The following KATNAL2 variants were observed in gnomAD, a reference collection of about 807,000 sequenced individuals.
KATNAL2 encodes the protein katanin catalytic subunit A1 like 2, also known as katanin p60 ATPase-containing subunit A-like 2.
KATNAL2 carries 52 observed loss-of-function variants against 76.3 expected under a neutral mutation model. That is an observed-to-expected ratio of 0.68 (90% confidence interval 0.55 to 0.86). The LOEUF is 0.86. Ranked by LOEUF, KATNAL2 falls within the 40% of genes least tolerant of loss-of-function variation. The pLI, the probability that KATNAL2 is intolerant of heterozygous loss-of-function variation, is 0.00. For synonymous variants in KATNAL2, 243 were observed against 244.2 expected (o/e 1.00, Z 0.05); for missense variants, 660 against 668.9 (o/e 0.99, Z 0.15).
At chr18:47,092,904 G>A (rs2063064335) in intron 15 of KATNAL2, among the ~76,000 whole-genome samples, 1 of 152,100 alleles carries the variant, frequency 6.6e-6, no homozygotes, top group Non-Finnish European at 1.5e-5. Flanking sequence ...CTCACATGTT[G>A]AAAATGTCTT....
rs377333599 is a variant in KATNAL2, at chr18:47,059,659, G to A, written c.549+5G>A. 32 of 1,577,076 alleles carry A rather than the reference G, an allele frequency of 2.0e-5. No individual in the cohort carries two copies. Among genetic ancestry groups the A allele is most frequent in the Non-Finnish European group, 2.5e-5 (29 of 1,146,442 alleles). On this transcript the variant is annotated splice_donor_5th_base_variant and intron_variant, in intron 8 of 17. Coordinates refer to ENST00000683218, the MANE Select transcript of KATNAL2 (RefSeq NM_001387690.1). ...GAAAATGCCCACCCACGAAGAGTAA[G>A]TGAAACTCATGAACCTAACACTGAA...
At chr18:47,083,621 G>A (rs1395665693) in intron 15 of KATNAL2, among the ~76,000 whole-genome samples, 1 of 152,168 alleles carries the variant, frequency 6.6e-6, no homozygotes, top group African/African-American at 2.4e-5. Context: ...TCACAGAGAG[G>A]ACCAGAAGAA....
intron 3 of KATNAL2, among the ~76,000 whole-genome samples, chr18:47,036,933 T>C (rs149043942): frequency 1.4e-4 from 21 of 152,322 alleles, no homozygotes; most frequent in African/African-American, 1.9e-4. Context: ...AGCCAGGAGA[T>C]AGTCAGGAAA....
intron 15 of KATNAL2, among the ~76,000 whole-genome samples, chr18:47,096,660 G>A (rs1028678957): frequency 2.0e-5 from 3 of 152,088 alleles, no homozygotes; most frequent in African/African-American, 7.2e-5. Context: ...CTAACATACA[G>A]GAATTTCCTA....
chr18:47,092,465 C>T (rs1181308196), intron 15 of KATNAL2, among the ~76,000 whole-genome samples: 1 of 152,150 alleles, frequency 6.6e-6, no homozygotes, highest in Non-Finnish European at 1.5e-5. Flanking sequence ...CACCACTGCA[C>T]TCTAGGCTGG....
intron 1 of KATNAL2, among the ~76,000 whole-genome samples, chr18:46,932,087 A>G (rs2058942596): frequency 1.3e-5 from 2 of 151,518 alleles, no homozygotes; most frequent in African/African-American, 4.9e-5. Context: ...ATTTTTTTGT[A>G]TTTTTAGTAG....
intron 3 of KATNAL2, among the ~76,000 whole-genome samples, chr18:46,952,957 C>T (rs1437745606): frequency 1.9e-4 from 26 of 136,218 alleles, no homozygotes; most frequent in Admixed American, 1.7e-3. Context: ...TACAGTGGCA[C>T]GATCTCGGCT....
At chr18:46,947,080 G>C (rs1416047176) in intron 3 of KATNAL2, among the ~76,000 whole-genome samples, 157 bp downstream of exon 3, 1 of 152,202 alleles carries the variant, frequency 6.6e-6, no homozygotes, top group Non-Finnish European at 1.5e-5. Context: ...GTTAAATCCC[G>C]GGCTGGGCTT....
intron 1 of KATNAL2, among the ~76,000 whole-genome samples, chr18:46,932,913 C>G (rs2146567485): frequency 6.6e-6 from 1 of 151,736 alleles, no homozygotes; most frequent in African/African-American, 2.4e-5. Context: ...TACAGGCGCG[C>G]TACCATGCCC....
chr18:47,054,314 A>AAAAAC, intron 5 of KATNAL2, 82 bp from the exon 6 acceptor site: 1 of 1,249,226 alleles, frequency 8.0e-7, no homozygotes. Flanking sequence ...AACAATGCAA[A>AAAAAC]AAGGGGAAAC....
rs575329066 is a variant in KATNAL2 at position 46,922,485 on chromosome 18, C to A, written c.-510+4559C>A. Among the ~76,000 whole-genome samples, 604 of 151,772 alleles carry A rather than the reference C, an allele frequency of 4.0e-3. 3 individuals carry two copies. The highest frequency in any genetic ancestry group is 0.014 in the African/African-American group (582 of 41,414). On this transcript the variant is annotated intron_variant, in intron 1 of 17. Transcript: ENST00000683218. ...TTGACTAGCCTTTTAAAAAAAAAAA[C>A]CAAATAATTAAAAAATAAAAAGTTG...
At position 47,083,565 on chromosome 18, in the gene KATNAL2, T is replaced by C. The variant is rs529490319; in HGVS notation, c.1211+6104T>C. On this transcript the variant is annotated intron_variant, in intron 15 of 17. Coordinates refer to ENST00000683218, the MANE Select transcript of KATNAL2 (RefSeq NM_001387690.1). The stretch of plus-strand genomic sequence containing the variant: ...CAGTGACAGGTGTGCAGCCTTTGTT[T>C]ATTCAGCCCTTCTCCTCCAAAGAGC... Among the ~76,000 whole-genome samples the C allele has an allele frequency of 1.2e-4, 18 of 152,334 alleles. No individual in the cohort carries two copies. The East Asian group carries it at 3.1e-3, about 26-fold the overall frequency.
intron 1 of KATNAL2, among the ~76,000 whole-genome samples, chr18:46,929,113 A>G (rs2058826469): frequency 1.3e-5 from 2 of 152,014 alleles, no homozygotes; most frequent in South Asian, 2.1e-4. Flanking sequence ...GATTTCTAAT[A>G]CTAAAGTTTA....
In KATNAL2 at chr18:47,077,474, G is replaced by C. The variant is rs1211411641; in HGVS notation, c.1211+13G>C. On this transcript the variant is annotated intron_variant, in intron 15 of 17. Transcript: ENST00000683218. ...CTAACCTGCCGTGGTAAGAGACCAA[G>C]AGAGTAAATTTTGAATACATTTTCA... 1 of 1,589,670 alleles carries C rather than the reference G, an allele frequency of 6.3e-7. No homozygotes were observed. The highest frequency in any genetic ancestry group is 2.2e-5 in the East Asian group (1 of 44,744).
chr18:47,069,071 G>T, intron 11 of KATNAL2, 149 bp from the exon 12 acceptor site: 1 of 574,852 alleles, frequency 1.7e-6, no homozygotes, highest in East Asian at 3.1e-5. Context: ...GTTTATTTCG[G>T]TCAGAAGCAG....
chr18:46,929,934 C>T (rs771265467), intron 1 of KATNAL2, among the ~76,000 whole-genome samples: 26 of 152,146 alleles, frequency 1.7e-4, no homozygotes, highest in East Asian at 9.7e-4. Context: ...GCCACCACGC[C>T]GGGCTAATTT....
chr18:47,034,900 G>C (rs752530250), intron 3 of KATNAL2: 2 of 1,612,054 alleles, frequency 1.2e-6, no homozygotes, highest in Admixed American at 3.3e-5. Context: ...GCTGTGAGAT[G>C]GGCTCCTGGG....
chr18:47,073,072 C>T (rs767268682), intron 13 of KATNAL2, among the ~76,000 whole-genome samples: 2 of 152,062 alleles, frequency 1.3e-5, no homozygotes, highest in East Asian at 3.9e-4. Flanking sequence ...CAGACATCAC[C>T]GATTGCCAGA....
In KATNAL2 at chr18:47,033,364, G is replaced by T. The variant is rs769134187; in HGVS notation, c.52-13093G>T. 4.3e-6 allele frequency: 7 copies of T among 1,614,012 alleles called. No individual in the cohort carries two copies. In the African/African-American group the frequency reaches 6.7e-5, roughly 15 times the overall value. On this transcript the variant is annotated intron_variant, in intron 3 of 17. Coordinates refer to ENST00000683218, the MANE Select transcript of KATNAL2 (RefSeq NM_001387690.1). ...GATCATCTTTGCCTCTCTGCCGTTGGGGTTGTTTCCACGTGCAGATCGGAT... is the reference window on the plus strand; with the variant it reads ...GATCATCTTTGCCTCTCTGCCGTTGTGGTTGTTTCCACGTGCAGATCGGAT...
Sources: allele counts gnomAD v4.1 joint callset (sites outside exome capture counted in the v4.1 genomes callset), GRCh38; gene constraint gnomAD v4.1.1; transcripts MANE v1.5; gene names NCBI Gene and HGNC (gene_info 2026-07-23, HGNC 2026-07-21).